FAM171B: variants seen among roughly 807,000 people sequenced by gnomAD.
The protein encoded by FAM171B is protein FAM171B.
A neutral mutation model predicts 75.6 loss-of-function variants in FAM171B; 19 were observed. The observed-to-expected ratio is 0.25, with a 90% CI of 0.18 to 0.37. FAM171B has a LOEUF of 0.37. Ranked by LOEUF, FAM171B falls within the 10% of genes least tolerant of loss-of-function variation. FAM171B has a pLI of 1.00. For missense variants in FAM171B, 848 were observed against 982.4 expected (o/e 0.86, Z 1.83); for synonymous variants, 367 against 361.7 (o/e 1.01, Z -0.17).
rs186256550 is a variant in FAM171B, at chr2:186,750,269, A to G, written c.725-865A>G. On this transcript the variant is annotated intron_variant, in intron 4 of 7. Transcript: ENST00000304698. ...TTGTTTGGCATTGCTAATATTTCAA[A>G]AGCAAAAGAAAGGCACTTTCTGCTC... 3.7e-4 allele frequency among the ~76,000 whole-genome samples: 56 copies of G among 152,312 alleles called. 2 individuals are homozygous for G. The East Asian group carries it at 5.8e-3, about 16-fold the overall frequency.
rs774692129 is a variant in FAM171B, at chr2:186,743,467, G to T, written c.473-16G>T. The T allele has an allele frequency of 1.2e-5, 18 of 1,542,564 alleles. No individual in the cohort carries two copies. The highest frequency in any genetic ancestry group is 1.6e-5 in the Non-Finnish European group (18 of 1,118,804). On this transcript the variant is annotated splice_polypyrimidine_tract_variant and intron_variant, in intron 2 of 7. Coordinates refer to ENST00000304698, the MANE Select transcript of FAM171B (RefSeq NM_177454.4). ...TCACATTAAGTAAAATATTCTAATT[G>T]TGCTATATTTCACAGTATATTCATC...
At chr2:186,745,877 T>A (rs1559090605) in intron 3 of FAM171B, among the ~76,000 whole-genome samples, 1 of 152,268 alleles carries the variant, frequency 6.6e-6, no homozygotes, top group East Asian at 1.9e-4. Flanking sequence ...TTAGATTGTA[T>A]CCTCAACAAC....
chr2:186,751,349 T>C (rs771665945), intron 5 of FAM171B, 45 bp downstream of exon 5: 31 of 1,435,826 alleles, frequency 2.2e-5, no homozygotes, highest in Non-Finnish European at 2.9e-5. Context: ...TACATATTTG[T>C]CAATTGACTA....
chr2:186,725,247 A>G (rs553669694), intron 1 of FAM171B, among the ~76,000 whole-genome samples: 74 of 151,912 alleles, frequency 4.9e-4, no homozygotes, highest in Non-Finnish European at 5.9e-4. Flanking sequence ...GGGAGGCTGA[A>G]GCAGGAGAAT....
intron 6 of FAM171B, among the ~76,000 whole-genome samples, chr2:186,758,690 A>G (rs1690569962): frequency 6.6e-6 from 1 of 152,082 alleles, no homozygotes; most frequent in Non-Finnish European, 1.5e-5. Flanking sequence ...TTTTATCTTT[A>G]TGGGTACATG....
At chr2:186,726,738 G>GT (rs1339658489) in intron 1 of FAM171B, among the ~76,000 whole-genome samples, 4 of 152,062 alleles carry the variant, frequency 2.6e-5, no homozygotes, top group South Asian at 4.2e-4. Flanking sequence ...AGTCAAAACT[G>GT]TTTTTTCTAG....
chr2:186,720,083 G>C (rs1353823593), intron 1 of FAM171B, among the ~76,000 whole-genome samples: 1 of 152,160 alleles, frequency 6.6e-6, no homozygotes, highest in Non-Finnish European at 1.5e-5. Flanking sequence ...TGTCGCCCAG[G>C]CTGGAATGCA....
chr2:186,762,281 T>G lies in FAM171B; in HGVS notation c.1939T>G (p.Ser647Ala). ...TGAGGCTGTTGTAATGACTCCATTT[T>G]CATCGGAACTTCAAGGAATTTCAGA... ...LNEAVVMTPF[S>A]SELQGISEQT... Residue 647 changes from serine (S) to alanine (A), a missense_variant, in exon 8 of 8, where the codon TCA becomes GCA. This residue lies in a region of FAM171B where 47 missense variants were observed against 94.0 expected (regional missense o/e 0.50). Coordinates refer to ENST00000304698, the MANE Select transcript of FAM171B (RefSeq NM_177454.4). The surrounding 1 kb of genome is among the most constrained non-coding windows in gnomAD (Gnocchi z 4.0). 1.9e-6 allele frequency: 3 copies of G among 1,613,712 alleles called. No homozygotes were observed. The highest frequency in any genetic ancestry group is 2.5e-6 in the Non-Finnish European group (3 of 1,179,772).
intron 1 of FAM171B, among the ~76,000 whole-genome samples, chr2:186,703,981 G>C (rs1689701185): frequency 6.6e-6 from 1 of 152,206 alleles, no homozygotes; most frequent in African/African-American, 2.4e-5. Context: ...ATAAGGGTGT[G>C]TCATGCAAGG....
In FAM171B at chr2:186,763,258, G is replaced by C. The variant is rs116122403; in HGVS notation, c.*435G>C. 6.3e-6 allele frequency: 1 copy of C among 159,028 alleles called. No individual in the cohort carries two copies. The highest frequency in any genetic ancestry group is 2.4e-5 in the African/African-American group (1 of 41,412). The allele number at this position is 159,028 out of a possible 1,614,324, so 9.9% of individuals were successfully genotyped here. The stretch of plus-strand genomic sequence containing the variant: ...ATATTATTTTAAATGTTACTATTAC[G>C]TCTTCTTCTGCCTATACTTAAAAAT... On this transcript the variant is annotated 3_prime_UTR_variant, in exon 8 of 8. Coordinates refer to ENST00000304698, the MANE Select transcript of FAM171B (RefSeq NM_177454.4).
At chr2:186,707,900 C>T (rs1251759267) in intron 1 of FAM171B, among the ~76,000 whole-genome samples, 1 of 151,064 alleles carries the variant, frequency 6.6e-6, no homozygotes, top group African/African-American at 2.4e-5. Flanking sequence ...CTCTGTTATG[C>T]ACTCTCAGAG....
intron 1 of FAM171B, among the ~76,000 whole-genome samples, chr2:186,711,178 A>T (rs1689804991): frequency 6.6e-6 from 1 of 152,188 alleles, no homozygotes; most frequent in Admixed American, 6.5e-5. Context: ...TATTTGTGCA[A>T]ATAGCATACT....
intron 1 of FAM171B, among the ~76,000 whole-genome samples, chr2:186,700,216 C>T (rs1461378918): frequency 2.7e-5 from 4 of 150,928 alleles, no homozygotes; most frequent in Non-Finnish European, 4.4e-5. Flanking sequence ...TAAACTGCTT[C>T]GGGTAGTATG....
At chr2:186,734,545 G>A (rs1405929561) in intron 1 of FAM171B, among the ~76,000 whole-genome samples, 13 of 152,058 alleles carry the variant, frequency 8.5e-5, no homozygotes, top group African/African-American at 2.9e-4. Context: ...GCTCCTATCC[G>A]CAGGCAGGTC....
chr2:186,734,849 T>C (rs1690174730), intron 1 of FAM171B, among the ~76,000 whole-genome samples: 1 of 152,244 alleles, frequency 6.6e-6, no homozygotes, highest in Admixed American at 6.5e-5. Flanking sequence ...CTATCATTGC[T>C]GCCCCCAAGT....
chr2:186,741,098 CTT>C (rs1477754304), intron 2 of FAM171B, among the ~76,000 whole-genome samples: 4 of 151,748 alleles, frequency 2.6e-5, no homozygotes, highest in African/African-American at 4.8e-5. Flanking sequence ...AAATTGGACA[CTT>C]AGTATTTATA....
Position 186,762,925 on chromosome 2 carries a change from G to A in FAM171B, c.*102G>A, listed in dbSNP as rs1287529099. 7.2e-7 allele frequency: 1 copy of A among 1,380,474 alleles called. No individual in the cohort carries two copies. The highest frequency in any genetic ancestry group is 1.4e-5 in the South Asian group (1 of 70,154). 85.5% of individuals were successfully genotyped at this position (1,380,474 alleles called of 1,614,324 possible). A position where few individuals can be genotyped will look rare whatever the true frequency, so the allele number is the denominator to read the frequency against. On this transcript the variant is annotated 3_prime_UTR_variant, in exon 8 of 8. Coordinates refer to ENST00000304698, the MANE Select transcript of FAM171B (RefSeq NM_177454.4). This position sits in a 1 kb window ranked among gnomAD's most constrained non-coding sequence, Gnocchi z 4.0. ...AGAAAATGAGACTGAGCAATCTCAT[G>A]GTTCTTGGACATGTCTCAAGCAGAG... is the stretch of plus-strand genomic sequence containing the variant.
intron 1 of FAM171B, among the ~76,000 whole-genome samples, chr2:186,716,364 C>CA (rs1689874796): frequency 1.3e-5 from 2 of 152,186 alleles, no homozygotes. Context: ...GCCTCATTTT[C>CA]ATCCCTTTTC....
chr2:186,718,520 TC>T (rs1459453397), intron 1 of FAM171B, among the ~76,000 whole-genome samples: 2 of 152,228 alleles, frequency 1.3e-5, no homozygotes. Context: ...CATTTAGAAT[TC>T]ATATTTCCCT....
Sources: gnomAD v4.1 joint callset for allele counts (sites outside exome capture counted in the v4.1 genomes callset) on GRCh38, gnomAD v4.1.1 for gene constraint, gnomAD v4.1.1 regional missense constraint, Gnocchi (gnomAD v3.1) non-coding constraint, MANE v1.5 for transcripts, NCBI Gene and HGNC (gene_info 2026-07-23, HGNC 2026-07-21) for gene names.